XYLT1: variants seen among roughly 807,000 people sequenced by gnomAD.
The protein encoded by XYLT1 is beta-D-xylosyltransferase 1.
A neutral mutation model predicts 91.3 loss-of-function variants in XYLT1; 36 were observed. That is an observed-to-expected ratio of 0.39 (90% CI 0.30 to 0.52). The LOEUF (loss-of-function observed/expected upper bound fraction) is 0.52. XYLT1 is among the 20% of genes least tolerant of loss of function. The probability of loss-of-function intolerance (pLI) is 0.68; values close to 1 mark genes in which losing one functional copy is unlikely to be tolerated. For synonymous variants in XYLT1, 588 were observed against 532.0 expected, an observed-to-expected ratio of 1.11 and a Z score of -1.45; for missense variants, 1,242 against 1,284.5, an observed-to-expected ratio of 0.97 and a Z score of 0.51.
intron 2 of XYLT1, among the ~76,000 whole-genome samples, chr16:17,276,957 A>T (rs1261277563): frequency 6.6e-6 from 1 of 152,256 alleles, no homozygotes; most frequent in East Asian, 1.9e-4. Flanking sequence ...AATAAAAGGT[A>T]GCGGTTACCC....
intron 1 of XYLT1, among the ~76,000 whole-genome samples, chr16:17,378,292 G>T (rs978133301): frequency 6.6e-6 from 1 of 151,576 alleles, no homozygotes; most frequent in African/African-American, 2.4e-5. Flanking sequence ...GTATTTATTT[G>T]TTCCAAGACT....
chr16:17,445,128 T>C (rs552984753), intron 1 of XYLT1, among the ~76,000 whole-genome samples: 1 of 152,236 alleles, frequency 6.6e-6, no homozygotes, highest in African/African-American at 2.4e-5. Flanking sequence ...TCCTCCCAAG[T>C]AGCTAGGACC....
chr16:17,191,938 C>A (rs1401251510), intron 5 of XYLT1, among the ~76,000 whole-genome samples: 1 of 152,132 alleles, frequency 6.6e-6, no homozygotes, highest in Non-Finnish European at 1.5e-5. Flanking sequence ...TACACTGCCC[C>A]ACATGTGCAA....
chr16:17,144,033 C>T (rs78617685), intron 6 of XYLT1, among the ~76,000 whole-genome samples: 5,057 of 152,298 alleles, frequency 0.033, 299 homozygotes, highest in African/African-American at 0.11. Flanking sequence ...TACTTTAATT[C>T]TCATGAAAAC....
intron 3 of XYLT1, among the ~76,000 whole-genome samples, chr16:17,232,680 A>T (rs985592997): frequency 1.3e-5 from 2 of 151,318 alleles, no homozygotes; most frequent in Admixed American, 1.3e-4. Context: ...GTGGTGAAAG[A>T]GATAATAAGG....
At chr16:17,199,921 G>A (rs897517802) in intron 4 of XYLT1, among the ~76,000 whole-genome samples, 1 of 152,000 alleles carries the variant, frequency 6.6e-6, no homozygotes, top group Non-Finnish European at 1.5e-5. Context: ...AGAGGGGAGA[G>A]GTAAGAAACA....
intron 1 of XYLT1, among the ~76,000 whole-genome samples, chr16:17,468,789 G>T (rs1177439243): frequency 6.6e-6 from 1 of 151,960 alleles, no homozygotes; most frequent in African/African-American, 2.4e-5. Flanking sequence ...TAAGCCCCAG[G>T]CTTCCCCCAC....
chr16:17,342,636 C>T (rs911333727), intron 2 of XYLT1, among the ~76,000 whole-genome samples: 3 of 152,038 alleles, frequency 2.0e-5, no homozygotes, highest in South Asian at 2.1e-4. Flanking sequence ...GCAGGAGAAT[C>T]GCTGGAACCC....
chr16:17,134,775 G>T (rs185080010), intron 8 of XYLT1, 40 bp from the exon 9 acceptor site: 1 of 1,605,986 alleles, frequency 6.2e-7, no homozygotes, highest in Admixed American at 1.7e-5. Flanking sequence ...CCACATCAGC[G>T]AGTGCTGGGG....
At chr16:17,332,635 A>T (rs1442984774) in intron 2 of XYLT1, among the ~76,000 whole-genome samples, 1 of 151,342 alleles carries the variant, frequency 6.6e-6, no homozygotes, top group African/African-American at 2.4e-5. Flanking sequence ...AAGTGGGACT[A>T]TTACAATTTC....
chr16:17,163,303 T>C (rs1293487111), intron 5 of XYLT1, among the ~76,000 whole-genome samples: 3 of 152,308 alleles, frequency 2.0e-5, no homozygotes, highest in East Asian at 3.9e-4. Flanking sequence ...ATAACAGCTC[T>C]GGACATGAAG....
chr16:17,409,271 G>A (rs980810816), intron 1 of XYLT1, among the ~76,000 whole-genome samples: 3 of 152,284 alleles, frequency 2.0e-5, no homozygotes, highest in African/African-American at 2.4e-5. Context: ...CCGGCAGTTT[G>A]AAGGCAAGGA....
Position 17,252,900 on chromosome 16 carries a change from G to A in XYLT1, c.913+6088C>T, listed in dbSNP as rs1030155330. Among the ~76,000 whole-genome samples, 5 of 152,176 alleles carry A rather than the reference G, an allele frequency of 3.3e-5. No individual in the cohort carries two copies. In the East Asian group the frequency reaches 9.6e-4, roughly 29 times the overall value. On this transcript the variant is annotated intron_variant, in intron 3 of 11. Coordinates refer to ENST00000261381, the MANE Select transcript of XYLT1 (RefSeq NM_022166.4). ...TGAAGTTTAGGTGATGTTGCGTAAA[G>A]CAAAATGAGAAACACAGGGCATCCA...
intron 8 of XYLT1, among the ~76,000 whole-genome samples, chr16:17,135,258 A>G (rs767593334): frequency 2.0e-5 from 3 of 152,168 alleles, no homozygotes; most frequent in Non-Finnish European, 4.4e-5. Context: ...GTTCCTTTAG[A>G]CAGCACCTAG....
intron 9 of XYLT1, among the ~76,000 whole-genome samples, chr16:17,132,047 C>G (rs936172157): frequency 6.6e-6 from 1 of 152,076 alleles, no homozygotes; most frequent in African/African-American, 2.4e-5. Context: ...TTCAACAACC[C>G]TAGATAAATT....
intron 2 of XYLT1, among the ~76,000 whole-genome samples, chr16:17,357,286 G>A (rs184744716): frequency 2.6e-5 from 4 of 151,998 alleles, no homozygotes; most frequent in African/African-American, 7.2e-5. Context: ...TGCAAGGTGG[G>A]CACTATCACT....
intron 5 of XYLT1, among the ~76,000 whole-genome samples, chr16:17,192,643 G>A (rs765687870): frequency 2.6e-5 from 4 of 152,122 alleles, no homozygotes; most frequent in African/African-American, 4.8e-5. Flanking sequence ...TGGAGCCTAC[G>A]TGGACCAGGA....
rs114653840 is a variant in XYLT1 at position 17,281,349 on chromosome 16, G to A, written c.403-21851C>T. On this transcript the variant is annotated intron_variant, in intron 2 of 11. Transcript: ENST00000261381. ...AGAGCTCCGTTGCCTGGCCACACCC[G>A]GGGTTGTGACACTGCTTGGCTCCAT... Among the ~76,000 whole-genome samples, 517 of 152,200 alleles carry A rather than the reference G, an allele frequency of 3.4e-3. 5 individuals carry two copies. Among genetic ancestry groups the A allele is most frequent in the African/African-American group, 0.012 (494 of 41,518 alleles).
chr16:17,230,930 G>A (rs1167372307), intron 3 of XYLT1, among the ~76,000 whole-genome samples: 1 of 152,148 alleles, frequency 6.6e-6, no homozygotes, highest in Non-Finnish European at 1.5e-5. Flanking sequence ...CATCCAAGGG[G>A]CACAGGATAG....
Sources: allele counts gnomAD v4.1 joint callset (sites outside exome capture counted in the v4.1 genomes callset), GRCh38; gene constraint gnomAD v4.1.1; transcripts MANE v1.5; gene names NCBI Gene and HGNC (gene_info 2026-07-23, HGNC 2026-07-21).